MAGI2: variants seen among roughly 807,000 people sequenced by gnomAD.
The protein encoded by MAGI2 is membrane associated guanylate kinase, WW and PDZ domain containing 2.
MAGI2 carries 35 observed loss-of-function variants against 133.3 expected under a neutral mutation model. That is an observed-to-expected ratio of 0.26 (90% CI 0.20 to 0.35). MAGI2 has a LOEUF of 0.35. Ranked by LOEUF, MAGI2 falls within the 10% of genes least tolerant of loss-of-function variation. The pLI is 1.00. For synonymous variants in MAGI2, 729 were observed against 710.6 expected, an observed-to-expected ratio of 1.03 and a Z score of -0.41; for missense variants, 1,636 against 1,863.4, an observed-to-expected ratio of 0.88 and a Z score of 2.25.
chr7:79,250,812 A>T (rs1248034181), intron 1 of MAGI2, among the ~76,000 whole-genome samples: 1 of 152,208 alleles, frequency 6.6e-6, no homozygotes, highest in Non-Finnish European at 1.5e-5. Flanking sequence ...AAAAGAACAA[A>T]ACTGGAGGAA....
chr7:78,527,649 G>A (rs1465499925), intron 3 of MAGI2, among the ~76,000 whole-genome samples: 2 of 152,204 alleles, frequency 1.3e-5, no homozygotes, highest in Non-Finnish European at 2.9e-5. Context: ...TTTTAGGTAT[G>A]AGGAAATGTA....
chr7:79,290,172 G>T (rs1333077142), intron 1 of MAGI2, among the ~76,000 whole-genome samples: 1 of 151,852 alleles, frequency 6.6e-6, no homozygotes, highest in Non-Finnish European at 1.5e-5. Context: ...GGGTACTATT[G>T]CTATTGTTAT....
intron 2 of MAGI2, among the ~76,000 whole-genome samples, chr7:78,847,021 A>C (rs1424446746): frequency 6.6e-6 from 1 of 152,006 alleles, no homozygotes; most frequent in Non-Finnish European, 1.5e-5. Flanking sequence ...TTGTTAAAAT[A>C]GCACTTCTGC....
chr7:79,000,874 T>G (rs1806788134), intron 2 of MAGI2, among the ~76,000 whole-genome samples: 1 of 152,192 alleles, frequency 6.6e-6, no homozygotes, highest in African/African-American at 2.4e-5. Flanking sequence ...TTCAATCAGG[T>G]CTTCCACAAA....
At chr7:79,310,328 C>T (rs1402616923) in intron 1 of MAGI2, among the ~76,000 whole-genome samples, 1 of 151,918 alleles carries the variant, frequency 6.6e-6, no homozygotes, top group Non-Finnish European at 1.5e-5. Flanking sequence ...GAACATAAGG[C>T]ATTTATTATT....
At chr7:78,235,185 A>G (rs1270595200) in intron 10 of MAGI2, among the ~76,000 whole-genome samples, 6 of 152,154 alleles carry the variant, frequency 3.9e-5, no homozygotes, top group Non-Finnish European at 8.8e-5. Flanking sequence ...GTAGCTTTAG[A>G]ATTGTTGGCT....
intron 3 of MAGI2, among the ~76,000 whole-genome samples, chr7:78,609,591 T>C (rs1305189875): frequency 6.6e-6 from 1 of 152,210 alleles, no homozygotes; most frequent in Non-Finnish European, 1.5e-5. Flanking sequence ...AGTCCTTGGT[T>C]CTGCAGCTGC....
chr7:78,686,224 C>T (rs321965), intron 2 of MAGI2, among the ~76,000 whole-genome samples: 120,124 of 151,914 alleles, frequency 0.79, 47,958 homozygotes, highest in East Asian at 0.97. Context: ...TATCTTTTAC[C>T]GAGATTTAAC....
Position 79,355,472 on chromosome 7 carries a change from C to T in MAGI2, c.301+97548G>A, listed in dbSNP as rs377436579. On this transcript the variant is annotated intron_variant, in intron 1 of 21. Transcript: ENST00000354212. ...GCTACTAGTTTTATGGTTTCCATCA[C>T]TTTCTAGTGGTGTTGGAGGTATACA... is the stretch of plus-strand genomic sequence containing the variant. 2.0e-5 allele frequency among the ~76,000 whole-genome samples: 3 copies of T among 152,202 alleles called. 1 individual carries two copies. Among genetic ancestry groups the T allele is most frequent in the Admixed American group, 1.3e-4 (2 of 15,282 alleles).
At chr7:79,184,642 G>C (rs578167767) in intron 1 of MAGI2, among the ~76,000 whole-genome samples, 18 of 151,688 alleles carry the variant, frequency 1.2e-4, no homozygotes, top group Non-Finnish European at 2.5e-4. Context: ...CAGAAGGAAA[G>C]CTGACTCTTT....
chr7:78,479,517 G>A (rs1220538975), intron 6 of MAGI2, among the ~76,000 whole-genome samples: 1 of 151,910 alleles, frequency 6.6e-6, no homozygotes, highest in Non-Finnish European at 1.5e-5. Flanking sequence ...TGTATCAGGA[G>A]CTCCCAAGTC....
chr7:78,860,785 C>T (rs1314260913), intron 2 of MAGI2, among the ~76,000 whole-genome samples: 2 of 152,148 alleles, frequency 1.3e-5, no homozygotes, highest in African/African-American at 4.8e-5. Context: ...CAGAGAGGGA[C>T]ATTAAGTCTG....
At chr7:78,396,492 C>T (rs112274487) in intron 6 of MAGI2, among the ~76,000 whole-genome samples, 2 of 152,146 alleles carry the variant, frequency 1.3e-5, no homozygotes, top group African/African-American at 4.8e-5. Flanking sequence ...TAGCTGGCTC[C>T]TCATCATTCA....
chr7:79,103,847 C>T (rs1395903803), intron 1 of MAGI2, among the ~76,000 whole-genome samples: 2 of 146,702 alleles, frequency 1.4e-5, no homozygotes, highest in East Asian at 2.0e-4. Context: ...CTACAGGCGC[C>T]CGCCACCACA....
intron 1 of MAGI2, among the ~76,000 whole-genome samples, chr7:79,192,154 C>T (rs1168498516): frequency 1.3e-5 from 2 of 151,788 alleles, no homozygotes; most frequent in South Asian, 2.1e-4. Context: ...TTTGCCTTTC[C>T]GTGTCCTATT....
At chr7:78,993,875 G>A (rs2116365082) in intron 2 of MAGI2, among the ~76,000 whole-genome samples, 1 of 152,170 alleles carries the variant, frequency 6.6e-6, no homozygotes, top group East Asian at 1.9e-4. Flanking sequence ...CTTCGCAGAA[G>A]TTAAGCTTGG....
chr7:78,109,790 T>C (rs943468012), intron 20 of MAGI2, among the ~76,000 whole-genome samples: 4 of 152,154 alleles, frequency 2.6e-5, no homozygotes, highest in Non-Finnish European at 5.9e-5. Context: ...TAGGAGAAAT[T>C]TGAGGCTAGT....
At chr7:79,197,760 C>T (rs1828214532) in intron 1 of MAGI2, among the ~76,000 whole-genome samples, 1 of 151,988 alleles carries the variant, frequency 6.6e-6, no homozygotes, top group Non-Finnish European at 1.5e-5. Context: ...GGTAAGGACT[C>T]TTTGCTTCAG....
In MAGI2 at chr7:78,980,387, T is replaced by C. The variant is rs189889856; in HGVS notation, c.418+26703A>G. Among the ~76,000 whole-genome samples the C allele has an allele frequency of 2.2e-3, 342 of 152,008 alleles. 14 individuals carry two copies. The highest frequency in any genetic ancestry group is 0.022 in the Admixed American group (340 of 15,218). On this transcript the variant is annotated intron_variant, in intron 2 of 21. Transcript: ENST00000354212. ...TTGTCCTGTGATCCAAATGATTGTA[T>C]GAAATTAAAACTAAGTGACTTTTTG...
Sources: allele counts gnomAD v4.1 joint callset (sites outside exome capture counted in the v4.1 genomes callset), GRCh38; gene constraint gnomAD v4.1.1; transcripts MANE v1.5; gene names NCBI Gene and HGNC (gene_info 2026-07-23, HGNC 2026-07-21).